ARSB: variants seen among roughly 807,000 people sequenced by gnomAD.
ARSB encodes the protein N-acetylgalactosamine-4-sulfatase.
ARSB carries 41 observed loss-of-function variants against 50.9 expected under a neutral mutation model. The ratio of observed to expected loss-of-function variants is 0.81; its 90% CI spans 0.63 to 1.04. ARSB has a LOEUF of 1.04. ARSB is among the 50% of genes least tolerant of loss of function. The pLI is 0.00. For synonymous variants in ARSB, 269 were observed against 284.8 expected (o/e 0.94, Z 0.56); for missense variants, 672 against 693.3 (o/e 0.97, Z 0.35).
chr5:78,865,055 T>C (rs183179634), intron 5 of ARSB, among the ~76,000 whole-genome samples: 174 of 152,232 alleles, frequency 1.1e-3, no homozygotes, highest in African/African-American at 4.0e-3. Flanking sequence ...CAAGCTGTCG[T>C]GGGTCTATCA....
intron 6 of ARSB, among the ~76,000 whole-genome samples, chr5:78,807,288 T>C (rs1238206696): frequency 6.6e-6 from 1 of 152,222 alleles, no homozygotes; most frequent in Non-Finnish European, 1.5e-5. Context: ...AGTTGGTTGG[T>C]GGTCCCCAAG....
chr5:78,927,581 G>A (rs908507804), intron 4 of ARSB, among the ~76,000 whole-genome samples: 2 of 152,188 alleles, frequency 1.3e-5, no homozygotes, highest in African/African-American at 4.8e-5. Flanking sequence ...ACACACACCG[G>A]AAAGAATAGA....
At chr5:78,831,145 A>T (rs1430016851) in intron 6 of ARSB, among the ~76,000 whole-genome samples, 2 of 152,178 alleles carry the variant, frequency 1.3e-5, no homozygotes. Flanking sequence ...TTGTTTGGAC[A>T]TATTTACAGG....
chr5:78,862,831 G>C (rs1195475398), intron 5 of ARSB, among the ~76,000 whole-genome samples: 1 of 151,982 alleles, frequency 6.6e-6, no homozygotes, highest in Non-Finnish European at 1.5e-5. Flanking sequence ...CTACAGAATG[G>C]GAGAAAATTT....
At chr5:78,781,121 A>C (rs1748912063) in intron 7 of ARSB, among the ~76,000 whole-genome samples, 1 of 152,214 alleles carries the variant, frequency 6.6e-6, no homozygotes, top group Non-Finnish European at 1.5e-5. Context: ...CTCTTAGAGA[A>C]TATAATCAGA....
chr5:78,862,433 C>A (rs1205477215), intron 5 of ARSB, among the ~76,000 whole-genome samples: 1 of 152,138 alleles, frequency 6.6e-6, no homozygotes, highest in Non-Finnish European at 1.5e-5. Context: ...ACCAATGGAA[C>A]AGAACAGAGC....
At chr5:78,920,604 T>A (rs537364552) in intron 4 of ARSB, among the ~76,000 whole-genome samples, 31 of 152,230 alleles carry the variant, frequency 2.0e-4, no homozygotes, top group African/African-American at 7.0e-4. Context: ...GCAATAAGGC[T>A]GGGACAGCAG....
At chr5:78,797,207 C>A (rs1365029224) in intron 6 of ARSB, among the ~76,000 whole-genome samples, 1 of 152,182 alleles carries the variant, frequency 6.6e-6, no homozygotes, top group African/African-American at 2.4e-5. Context: ...TGTGATCCGC[C>A]TGCCTTGGTC....
At chr5:78,815,666 C>A (rs1270963417) in intron 6 of ARSB, 1 of 1,009,932 alleles carries the variant, frequency 9.9e-7, no homozygotes, top group Non-Finnish European at 1.2e-6. Flanking sequence ...ACATTATTCA[C>A]TGGGATGCTC....
chr5:78,895,407 T>C (rs952211438), intron 4 of ARSB, among the ~76,000 whole-genome samples: 4 of 152,214 alleles, frequency 2.6e-5, no homozygotes, highest in Non-Finnish European at 5.9e-5. Flanking sequence ...ATGATGACCC[T>C]ACATCATTAA....
chr5:78,872,267 A>C lies in ARSB; in HGVS notation c.1142+13317T>G, dbSNP rs1202245318. ...GTGGAAGTCAGTGTGGCGATTCCTCAGGGATCCAGAACTAGAAATACCATT... is the reference window on the plus strand; with the variant it reads ...GTGGAAGTCAGTGTGGCGATTCCTCCGGGATCCAGAACTAGAAATACCATT... On this transcript the variant is annotated intron_variant, in intron 5 of 7. Coordinates refer to ENST00000264914, the MANE Select transcript of ARSB (RefSeq NM_000046.5). 2.0e-5 allele frequency among the ~76,000 whole-genome samples: 3 copies of C among 151,770 alleles called. No individual in the cohort carries two copies. In the East Asian group the frequency reaches 5.8e-4, roughly 29 times the overall value.
intron 5 of ARSB, among the ~76,000 whole-genome samples, chr5:78,859,292 C>T (rs1746309791): frequency 6.6e-6 from 1 of 152,072 alleles, no homozygotes; most frequent in East Asian, 1.9e-4. Context: ...AGATATTTTT[C>T]ATATAGATTG....
chr5:78,968,581 C>T (rs1046619578), intron 2 of ARSB, among the ~76,000 whole-genome samples: 2 of 152,068 alleles, frequency 1.3e-5, no homozygotes, highest in East Asian at 3.9e-4. Context: ...CATCTCCTGA[C>T]CTCGTGATCC....
intron 5 of ARSB, among the ~76,000 whole-genome samples, chr5:78,866,910 G>A (rs1475979337): frequency 6.6e-6 from 1 of 152,208 alleles, no homozygotes; most frequent in Non-Finnish European, 1.5e-5. Context: ...GAGGTACCGG[G>A]TTCATCTCAC....
chr5:78,920,549 T>G (rs1029390797), intron 4 of ARSB, among the ~76,000 whole-genome samples: 2 of 152,138 alleles, frequency 1.3e-5, no homozygotes, highest in African/African-American at 2.4e-5. Flanking sequence ...TCTACCCTGC[T>G]AGCCACAGGC....
At chr5:78,900,691 T>A (rs1476137779) in intron 4 of ARSB, among the ~76,000 whole-genome samples, 2 of 152,166 alleles carry the variant, frequency 1.3e-5, no homozygotes, top group African/African-American at 4.8e-5. Flanking sequence ...CTTGCTTCTA[T>A]ACTACCATTT....
chr5:78,952,688 T>A (rs2112475294), intron 4 of ARSB, among the ~76,000 whole-genome samples: 1 of 152,306 alleles, frequency 6.6e-6, no homozygotes, highest in Admixed American at 6.5e-5. Flanking sequence ...TAGAGATATT[T>A]AATACAGTCT....
chr5:78,948,388 C>T lies in ARSB; in HGVS notation c.898+6907G>A, dbSNP rs1369291929. Among the ~76,000 whole-genome samples the T allele has an allele frequency of 2.6e-5, 4 of 151,946 alleles. No homozygotes were observed. In the East Asian group the frequency reaches 7.7e-4, roughly 29 times the overall value. The stretch of plus-strand genomic sequence containing the variant: ...ATTACTATGCATTGTGTGCCTGTAT[C>T]AAAATATCTCATGTACTCCATAAAT... On this transcript the variant is annotated intron_variant, in intron 4 of 7. Coordinates refer to ENST00000264914, the MANE Select transcript of ARSB (RefSeq NM_000046.5).
chr5:78,977,214 C>G (rs549928219), intron 1 of ARSB, among the ~76,000 whole-genome samples: 1 of 149,446 alleles, frequency 6.7e-6, no homozygotes, highest in African/African-American at 2.5e-5. Context: ...AGTGCAGTGG[C>G]GCAATCTCGG....
Sources: gnomAD v4.1 joint callset for allele counts (sites outside exome capture counted in the v4.1 genomes callset) on GRCh38, gnomAD v4.1.1 for gene constraint, MANE v1.5 for transcripts, NCBI Gene and HGNC (gene_info 2026-07-23, HGNC 2026-07-21) for gene names.